The following TRPM8 variants were observed in gnomAD, a reference collection of about 807,000 sequenced individuals.
The protein encoded by TRPM8 is TRPM8 cationic channel.
A neutral mutation model predicts 133.7 loss-of-function variants in TRPM8; 110 were observed. That is an observed-to-expected ratio of 0.82 (90% CI 0.70 to 0.96). The LOEUF (loss-of-function observed/expected upper bound fraction) is 0.96, where lower values mean the gene tolerates loss of function less well. Among genes scored for constraint, TRPM8 ranks in the 40% least tolerant of loss-of-function variants. The probability of loss-of-function intolerance (pLI) is 0.00; values close to 1 mark genes in which losing one functional copy is unlikely to be tolerated. For synonymous variants in TRPM8, 535 were observed against 532.3 expected, an observed-to-expected ratio of 1.01 and a Z score of -0.07; for missense variants, 1,291 against 1,379.5, an observed-to-expected ratio of 0.94 and a Z score of 1.02.
chr2:234,007,028 T>C, intron 23 of TRPM8, 76 bp downstream of exon 23: 1 of 1,061,440 alleles, frequency 9.4e-7, no homozygotes, highest in Non-Finnish European at 1.4e-6. Flanking sequence ...GCAGCTTATT[T>C]GAGCAAACTC....
chr2:233,926,092 C>T (rs970494669), intron 1 of TRPM8, among the ~76,000 whole-genome samples: 2 of 152,172 alleles, frequency 1.3e-5, no homozygotes, highest in African/African-American at 4.8e-5. Context: ...TGCAAGTCCT[C>T]TGGCCAATGC....
rs967870781 is a variant in TRPM8 at position 234,019,254 on chromosome 2, G to A, written c.*1998G>A. The stretch of plus-strand genomic sequence containing the variant: ...AGACAGAAAACTTGCCCAATACTGA[G>A]AAGCAACTTGCATTAGAGAGGGAAC... On this transcript the variant is annotated 3_prime_UTR_variant, in exon 26 of 26. Coordinates refer to ENST00000324695, the MANE Select transcript of TRPM8 (RefSeq NM_024080.5). 6.6e-6 allele frequency: 1 copy of A among 152,124 alleles called. No individual in the cohort carries two copies. The highest frequency in any genetic ancestry group is 1.5e-5 in the Non-Finnish European group (1 of 68,014). The allele number at this position is 152,124 out of a possible 1,614,324, so 9.4% of individuals were successfully genotyped here. A position where few individuals can be genotyped will look rare whatever the true frequency, so the allele number is the denominator to read the frequency against.
intron 25 of TRPM8, among the ~76,000 whole-genome samples, chr2:234,016,159 A>C (rs780604187): frequency 6.6e-6 from 1 of 152,158 alleles, no homozygotes; most frequent in Non-Finnish European, 1.5e-5. Flanking sequence ...TAACTGATGA[A>C]TGAAAAGGAA....
At position 234,005,927 on chromosome 2, in the gene TRPM8, T is replaced by TACACACACACACACACAC. The variant is rs35379195; in HGVS notation, c.3131-902_3131-885dup. ...TGGGTGACAAGAGCGAAACGTCATC[T>TACACACACACACACACAC]ACACACACACACACACACACACACA... On this transcript the variant is annotated intron_variant, in intron 22 of 25. Transcript: ENST00000324695. Among the ~76,000 whole-genome samples, 102 of 136,080 alleles carry TACACACACACACACACAC rather than the reference T, an allele frequency of 7.5e-4. 2 individuals are homozygous for TACACACACACACACACAC. The highest frequency in any genetic ancestry group is 1.4e-3 in the African/African-American group (49 of 35,116). The allele number at this position is 136,080 out of a possible 152,430, so 89.3% of individuals were successfully genotyped here.
intron 14 of TRPM8, among the ~76,000 whole-genome samples, chr2:233,965,158 A>C (rs1691536259): frequency 6.6e-6 from 1 of 151,864 alleles, no homozygotes; most frequent in Non-Finnish European, 1.5e-5. Context: ...ATATGCACAC[A>C]CTGCCAGAGG....
At chr2:234,013,426 T>G (rs975701296) in intron 24 of TRPM8, 17 of 152,242 alleles carry the variant, frequency 1.1e-4, no homozygotes, top group African/African-American at 3.6e-4. Flanking sequence ...TGCATATAAT[T>G]GTTCATACTA....
At chr2:233,958,754 G>A (rs762790340) in intron 11 of TRPM8, among the ~76,000 whole-genome samples, 1 of 152,164 alleles carries the variant, frequency 6.6e-6, no homozygotes, top group Non-Finnish European at 1.5e-5. Flanking sequence ...AGGGACCCTT[G>A]ACAACTCCTT....
At chr2:233,964,831 T>G in intron 14 of TRPM8, 74 bp downstream of exon 14, 1 of 1,467,922 alleles carries the variant, frequency 6.8e-7, no homozygotes, top group Non-Finnish European at 9.2e-7. Flanking sequence ...GCGGCACTCA[T>G]AGACCAGATG....
intron 12 of TRPM8, among the ~76,000 whole-genome samples, chr2:233,962,069 G>A (rs1691452362): frequency 6.6e-6 from 1 of 152,220 alleles, no homozygotes; most frequent in South Asian, 2.1e-4. Context: ...TGCTGCCCAT[G>A]CGTGTGAAGG....
In TRPM8 at chr2:233,947,488, T is replaced by C. The variant is rs1006025178; in HGVS notation, c.942+333T>C. 10 of 1,329,768 alleles carry C rather than the reference T, an allele frequency of 7.5e-6. No individual in the cohort carries two copies. The Admixed American group carries it at 9.0e-5, about 12-fold the overall frequency. 82.4% of individuals were successfully genotyped at this position (1,329,768 alleles called of 1,614,324 possible). A position where few individuals can be genotyped will look rare whatever the true frequency, so the allele number is the denominator to read the frequency against. ...GAAAGCTATGGCCAACCTATCTGCA[T>C]TGAGATGAGCTGTGATCATACACAC... On this transcript the variant is annotated intron_variant, in intron 8 of 25. Coordinates refer to ENST00000324695, the MANE Select transcript of TRPM8 (RefSeq NM_024080.5).
chr2:233,984,273 A>G lies in TRPM8; in HGVS notation c.2761+1049A>G, dbSNP rs201806716. ...CTCACTGGCCGGTGTGACCCCACAC[A>G]TGCTCAGATGAGGATCTCTGGCACG... is the stretch of plus-strand genomic sequence containing the variant. On this transcript the variant is annotated intron_variant, in intron 20 of 25. Transcript: ENST00000324695. Among the ~76,000 whole-genome samples the G allele has an allele frequency of 3.2e-4, 49 of 152,278 alleles. No individual in the cohort carries two copies. The East Asian group carries it at 9.5e-3, about 29-fold the overall frequency.
intron 2 of TRPM8, among the ~76,000 whole-genome samples, chr2:233,928,928 T>A (rs1319673390): frequency 6.6e-6 from 1 of 152,136 alleles, no homozygotes; most frequent in African/African-American, 2.4e-5. Context: ...AACAATACAT[T>A]GTTTAGTTTT....
rs1314770143 is a variant in TRPM8, at chr2:233,989,981, G to T, written c.2939+4116G>T. Among the ~76,000 whole-genome samples, 1 of 152,190 alleles carries T rather than the reference G, an allele frequency of 6.6e-6. No individual in the cohort carries two copies. Among genetic ancestry groups the T allele is most frequent in the African/African-American group, 2.4e-5 (1 of 41,452 alleles). ...CTGCTGTAGAATAATTTCTAAAAAT[G>T]TTTTTCAGATCTTAGGAGTAATATA... On this transcript the variant is annotated intron_variant, in intron 21 of 25. Transcript: ENST00000324695. The surrounding 1 kb of genome is among the most constrained non-coding windows in gnomAD (Gnocchi z 4.2).
At chr2:233,977,070 T>C (rs1410435732) in intron 17 of TRPM8, among the ~76,000 whole-genome samples, 3 of 152,152 alleles carry the variant, frequency 2.0e-5, no homozygotes, top group Non-Finnish European at 4.4e-5. Flanking sequence ...CAAAAAGTCA[T>C]GCTCTTCCGT....
At chr2:233,976,285 C>T (rs1423235703) in intron 17 of TRPM8, among the ~76,000 whole-genome samples, 3 of 152,132 alleles carry the variant, frequency 2.0e-5, no homozygotes, top group Non-Finnish European at 2.9e-5. Context: ...CAGTAAAATC[C>T]GAAGTCTGTA....
At chr2:233,931,492 G>C (rs1284847848) in intron 3 of TRPM8, among the ~76,000 whole-genome samples, 1 of 152,166 alleles carries the variant, frequency 6.6e-6, no homozygotes, top group African/African-American at 2.4e-5. Context: ...AACAGAGGAA[G>C]GATATAGAAA....
intron 1 of TRPM8, 22 bp from the exon 2 acceptor site, chr2:233,926,510 AT>A (rs1559515349): frequency 3.2e-6 from 5 of 1,578,992 alleles, no homozygotes; most frequent in Non-Finnish European, 4.4e-6. Context: ...ACCCAAACTT[AT>A]CCCCTCCAAC....
At chr2:233,975,489 A>T (rs1183860746) in intron 17 of TRPM8, among the ~76,000 whole-genome samples, 1 of 152,188 alleles carries the variant, frequency 6.6e-6, no homozygotes. Context: ...AGGCTCCCAA[A>T]CATTTCTCTA....
chr2:233,933,112 G>A (rs539650558), intron 3 of TRPM8, among the ~76,000 whole-genome samples: 43 of 152,128 alleles, frequency 2.8e-4, no homozygotes, highest in African/African-American at 9.4e-4. Flanking sequence ...ACTATGGGTA[G>A]TAAGCTCCTA....
Sources: gnomAD v4.1 joint callset for allele counts (sites outside exome capture counted in the v4.1 genomes callset) on GRCh38, gnomAD v4.1.1 for gene constraint, Gnocchi (gnomAD v3.1) non-coding constraint, MANE v1.5 for transcripts, NCBI Gene and HGNC (gene_info 2026-07-23, HGNC 2026-07-21) for gene names.